The following TRAP1 variants were observed in gnomAD, a reference collection of about 807,000 sequenced individuals.
TRAP1 encodes the protein TNF receptor associated protein 1, also known as heat shock protein 75 kDa, mitochondrial.
In TRAP1, 102 loss-of-function variants were observed where a neutral mutation model predicts 89.1. That is an observed-to-expected ratio of 1.15 (90% CI 0.98 to 1.35). TRAP1 has a LOEUF of 1.35. TRAP1 is among the 40% of genes most tolerant of loss of function. TRAP1 has a pLI of 0.00. For synonymous variants in TRAP1, 508 were observed against 388.0 expected, an observed-to-expected ratio of 1.31 and a Z score of -3.64; for missense variants, 1,256 against 945.3, an observed-to-expected ratio of 1.33 and a Z score of -4.31.
intron 16 of TRAP1, chr16:3,659,625 G>A (rs1463523964): frequency 3.3e-5 from 5 of 152,122 alleles, no homozygotes; most frequent in Non-Finnish European, 7.4e-5. Context: ...CGAGGGCTCT[G>A]GGGAACTGTA....
intron 1 of TRAP1, among the ~76,000 whole-genome samples, chr16:3,704,008 C>T (rs2051405413): frequency 1.3e-5 from 1 of 76,982 alleles, no homozygotes; most frequent in African/African-American, 5.1e-5. Context: ...GAGCGAGACC[C>T]CGTCTCAAAA....
Position 3,704,633 on chromosome 16 carries a change from C to T in TRAP1, c.88+12788G>A, listed in dbSNP as rs536411371. ...GGGAGATCCAGGCAGGAGGAGGCTC[C>T]CTCGAGCTCAGGAGCTCGAGGCCAG... On this transcript the variant is annotated intron_variant, in intron 1 of 17. Coordinates refer to ENST00000246957, the MANE Select transcript of TRAP1 (RefSeq NM_016292.3). Among the ~76,000 whole-genome samples the T allele has an allele frequency of 5.9e-5, 9 of 152,226 alleles. 1 individual carries two copies. Among genetic ancestry groups the T allele is most frequent in the African/African-American group, 1.7e-4 (7 of 41,552 alleles).
chr16:3,671,870 G>A lies in TRAP1; in HGVS notation c.1166-79C>T, dbSNP rs878895556. 5 of 1,473,672 alleles carry A rather than the reference G, an allele frequency of 3.4e-6. No individual in the cohort carries two copies. In the South Asian group the frequency reaches 5.8e-5, roughly 17 times the overall value. 91.3% of individuals were successfully genotyped at this position (1,473,672 alleles called of 1,614,324 possible). The stretch of plus-strand genomic sequence containing the variant: ...AACATTCCCCATTAACCTGCCCTTT[G>A]TCTTCAGGCCTGGCCTTCAACCCAG... On this transcript the variant is annotated intron_variant, in intron 10 of 17. Coordinates refer to ENST00000246957, the MANE Select transcript of TRAP1 (RefSeq NM_016292.3).
Position 3,713,093 on chromosome 16 carries a change from C to G in TRAP1, c.88+4328G>C, listed in dbSNP as rs554693676. Reference sequence around the variant, plus strand: ...GGACGCTACACCTCTAGCGTCATCTCAGCAACACAAAGAGCTGTTTCACAG... The same window carrying G: ...GGACGCTACACCTCTAGCGTCATCTGAGCAACACAAAGAGCTGTTTCACAG... On this transcript the variant is annotated intron_variant, in intron 1 of 17. Coordinates refer to ENST00000246957, the MANE Select transcript of TRAP1 (RefSeq NM_016292.3). Among the ~76,000 whole-genome samples, 163 of 152,230 alleles carry G rather than the reference C, an allele frequency of 1.1e-3. 3 individuals are homozygous for G. Among genetic ancestry groups the G allele is most frequent in the Non-Finnish European group, 1.0e-3 (69 of 68,026 alleles).
intron 5 of TRAP1, chr16:3,678,094 G>A (rs146672975): frequency 2.2e-4 from 36 of 166,596 alleles, no homozygotes; most frequent in Admixed American, 1.7e-4. Context: ...TAGAAATCAC[G>A]CGCATGCGTC....
chr16:3,705,522 A>G (rs921063027), intron 1 of TRAP1, among the ~76,000 whole-genome samples: 1 of 152,270 alleles, frequency 6.6e-6, no homozygotes, highest in Non-Finnish European at 1.5e-5. Context: ...GAAATCATAC[A>G]ATATATGGTT....
At position 3,666,085 on chromosome 16, in the gene TRAP1, G is replaced by T. The variant is rs369602196; in HGVS notation, c.1269C>A (p.Ile423=). Residue 423 remains isoleucine, a synonymous_variant, in exon 12 of 18, where the codon ATC becomes ATA. Transcript: ENST00000246957. ...KLRDVLQQRL[I]KFFIDQSKKD... ...TTTTACTCTGGTCAATGAAGAATTT[G>T]ATCAGCCTCTGCTGTAAAACGTCCC... The T allele has an allele frequency of 1.2e-6, 2 of 1,613,962 alleles. No individual in the cohort carries two copies. The highest frequency in any genetic ancestry group is 2.2e-5 in the South Asian group (2 of 91,028).
At chr16:3,691,280 G>A (rs920124148) in intron 1 of TRAP1, 5 of 240,946 alleles carry the variant, frequency 2.1e-5, no homozygotes, top group South Asian at 1.5e-4. Flanking sequence ...CTGTCACTGC[G>A]ATCACAGCTC....
At chr16:3,693,967 C>T (rs1042811628) in intron 1 of TRAP1, among the ~76,000 whole-genome samples, 2 of 149,744 alleles carry the variant, frequency 1.3e-5, no homozygotes, top group African/African-American at 5.0e-5. Context: ...CACTTCTGCA[C>T]TTCAGGCTGG....
intron 11 of TRAP1, 86 bp downstream of exon 11, chr16:3,671,636 G>A: frequency 6.9e-7 from 1 of 1,451,380 alleles, no homozygotes; most frequent in Non-Finnish European, 9.4e-7. Context: ...CAGCTCCATG[G>A]GCCACGGCTA....
chr16:3,695,102 C>A (rs1229757820), intron 1 of TRAP1, among the ~76,000 whole-genome samples: 2 of 152,188 alleles, frequency 1.3e-5, no homozygotes, highest in African/African-American at 4.8e-5. Flanking sequence ...CACAGTCATA[C>A]TGGATTAGGG....
intron 1 of TRAP1, among the ~76,000 whole-genome samples, chr16:3,697,774 C>A (rs1270694644): frequency 6.6e-6 from 1 of 150,918 alleles, no homozygotes; most frequent in African/African-American, 2.4e-5. Context: ...GGTTTTTCCC[C>A]AATTAATATG....
At chr16:3,711,737 G>A (rs1481630842) in intron 1 of TRAP1, among the ~76,000 whole-genome samples, 1 of 152,108 alleles carries the variant, frequency 6.6e-6, no homozygotes, top group Non-Finnish European at 1.5e-5. Context: ...GAAATAACCA[G>A]CCACACCACA....
Position 3,658,186 on chromosome 16 carries a change from A to G in TRAP1, c.2058T>C (p.Pro686=), listed in dbSNP as rs2042827984. 6.2e-7 allele frequency: 1 copy of G among 1,614,052 alleles called. No homozygotes were observed. Among genetic ancestry groups the G allele is most frequent in the African/African-American group, 1.3e-5 (1 of 75,046 alleles). ...CATTCAAGCGGCCCACCATGGCCCTAGGGTCGTCAACAAGTCCAGCAGCAA... is the reference window on the plus strand; with the variant it reads ...CATTCAAGCGGCCCACCATGGCCCTGGGGTCGTCAACAAGTCCAGCAGCAA... ...AMIAAGLVDD[P]RAMVGRLNEL... The change falls in exon 18 of 18, where the codon CCT becomes CCC. Residue 686 remains proline (P), a synonymous_variant. Transcript: ENST00000246957.
intron 1 of TRAP1, among the ~76,000 whole-genome samples, chr16:3,707,905 C>T (rs2051472502): frequency 6.6e-6 from 1 of 151,164 alleles, no homozygotes; most frequent in South Asian, 2.1e-4. Context: ...AAACTGGGGG[C>T]CAGGCACGAC....
intron 1 of TRAP1, among the ~76,000 whole-genome samples, chr16:3,694,912 T>G (rs2051266081): frequency 6.6e-6 from 1 of 152,178 alleles, no homozygotes; most frequent in East Asian, 1.9e-4. Flanking sequence ...AAGGTGCCAC[T>G]AGGGCTGGTT....
At chr16:3,707,369 T>C (rs921091179) in intron 1 of TRAP1, among the ~76,000 whole-genome samples, 19 of 151,200 alleles carry the variant, frequency 1.3e-4, no homozygotes, top group Non-Finnish European at 2.4e-4. Flanking sequence ...GTATTTTTAG[T>C]AGAGACGGGG....
chr16:3,691,198 T>G (rs1361745929), intron 1 of TRAP1: 2 of 385,762 alleles, frequency 5.2e-6, no homozygotes, highest in Non-Finnish European at 4.6e-6. Flanking sequence ...TAAGATACTG[T>G]GTCTTCTCAG....
At chr16:3,668,328 G>C (rs536955058) in intron 11 of TRAP1, among the ~76,000 whole-genome samples, 3 of 152,126 alleles carry the variant, frequency 2.0e-5, no homozygotes, top group African/African-American at 7.2e-5. Flanking sequence ...CCAAAGTGCT[G>C]GGATTACAGG....
Sources: gnomAD v4.1 joint callset for allele counts (sites outside exome capture counted in the v4.1 genomes callset) on GRCh38, gnomAD v4.1.1 for gene constraint, MANE v1.5 for transcripts, NCBI Gene and HGNC (gene_info 2026-07-23, HGNC 2026-07-21) for gene names.